The following LUC7L variants were observed in gnomAD, a reference collection of about 807,000 sequenced individuals.
The protein encoded by LUC7L is LUC7 like.
Under a neutral mutation model 51.1 loss-of-function variants are expected in LUC7L, and 29 were observed. The ratio of observed to expected loss-of-function variants is 0.57; its 90% CI spans 0.42 to 0.77. The LOEUF is 0.77. LUC7L is among the 30% of genes least tolerant of loss of function. The probability of loss-of-function intolerance (pLI) is 0.00; values close to 1 mark genes in which losing one functional copy is unlikely to be tolerated. For synonymous variants in LUC7L, 181 were observed against 180.7 expected (o/e 1.00, Z -0.01); for missense variants, 403 against 511.9 (o/e 0.79, Z 2.05).
chr16:227,099 C>T (rs555801707), intron 2 of LUC7L, 143 bp downstream of exon 2: 23 of 642,904 alleles, frequency 3.6e-5, no homozygotes, highest in East Asian at 3.0e-4. Context: ...AACATACATA[C>T]GAGTGGAGGA....
chr16:192,502 CTTTT>C (rs398058029), intron 7 of LUC7L, among the ~76,000 whole-genome samples: 6 of 125,610 alleles, frequency 4.8e-5, no homozygotes, highest in South Asian at 2.5e-4. Context: ...ATGCTGTTTA[CTTTT>C]TTTTTTTTTT....
chr16:193,969 A>G (rs974083208), intron 6 of LUC7L, among the ~76,000 whole-genome samples: 9 of 149,260 alleles, frequency 6.0e-5, no homozygotes, highest in Admixed American at 1.3e-4. Context: ...GCGCCCGGCT[A>G]ATTTTTTGTA....
intron 6 of LUC7L, 77 bp from the exon 7 acceptor site, chr16:193,092 T>TTA: frequency 9.3e-7 from 1 of 1,077,498 alleles, no homozygotes; most frequent in Non-Finnish European, 1.4e-6. Context: ...CAAATCACCT[T>TTA]TATATGAGCT....
intron 6 of LUC7L, among the ~76,000 whole-genome samples, chr16:194,032 T>C (rs1442764492): frequency 6.6e-6 from 1 of 152,080 alleles, no homozygotes; most frequent in African/African-American, 2.4e-5. Context: ...CTCGATCTCC[T>C]GACCTCACGA....
At chr16:200,197 C>T (rs1485407377) in intron 5 of LUC7L, among the ~76,000 whole-genome samples, 4 of 150,822 alleles carry the variant, frequency 2.7e-5, no homozygotes, top group African/African-American at 9.7e-5. Flanking sequence ...CTGAGGCAGG[C>T]GAATCATGGG....
Position 229,264 on chromosome 16 carries a change from G to A in LUC7L, c.61+15C>T. The A allele has an allele frequency of 6.5e-7, 1 of 1,533,150 alleles. No individual in the cohort carries two copies. Among genetic ancestry groups the A allele is most frequent in the African/African-American group, 1.4e-5 (1 of 71,496 alleles). 95.0% of individuals were successfully genotyped at this position (1,533,150 alleles called of 1,614,324 possible). A position where few individuals can be genotyped will look rare whatever the true frequency, so the allele number is the denominator to read the frequency against. On this transcript the variant is annotated intron_variant, in intron 1 of 9. Coordinates refer to ENST00000293872, the MANE Select transcript of LUC7L (RefSeq NM_201412.3). Reference sequence around the variant, plus strand: ...CCCACCCCAGACCCTCGCCTGGTTGGCCGCTCTGACTCACCGTCCCGAGCC... The same window carrying A: ...CCCACCCCAGACCCTCGCCTGGTTGACCGCTCTGACTCACCGTCCCGAGCC...
At chr16:226,629 C>G (rs1421479143) in intron 2 of LUC7L, among the ~76,000 whole-genome samples, 1 of 152,118 alleles carries the variant, frequency 6.6e-6, no homozygotes, top group Non-Finnish European at 1.5e-5. Context: ...AGAAAATGTA[C>G]CTTGCTAGAT....
chr16:221,034 C>T (rs998360616), intron 2 of LUC7L, among the ~76,000 whole-genome samples: 1 of 151,936 alleles, frequency 6.6e-6, no homozygotes, highest in African/African-American at 2.4e-5. Flanking sequence ...TGGCTTTTGC[C>T]AGTTTTTAAG....
At chr16:198,633 T>C (rs1424309266) in intron 6 of LUC7L, among the ~76,000 whole-genome samples, 5 of 152,184 alleles carry the variant, frequency 3.3e-5, no homozygotes, top group South Asian at 2.1e-4. Context: ...ATCCAAGTGA[T>C]GAAATCTGCG....
At chr16:213,608 T>C (rs1181896791) in intron 3 of LUC7L, among the ~76,000 whole-genome samples, 1 of 152,130 alleles carries the variant, frequency 6.6e-6, no homozygotes, top group Non-Finnish European at 1.5e-5. Flanking sequence ...TATCACCATG[T>C]TGGTCAGACT....
intron 5 of LUC7L, among the ~76,000 whole-genome samples, chr16:199,963 C>A (rs2049275292): frequency 6.7e-6 from 1 of 150,168 alleles, no homozygotes. Context: ...GCATTCCAGC[C>A]TGGCAACAGA....
Position 220,701 on chromosome 16 carries a change from C to T in LUC7L, c.203G>A (p.Arg68Gln), listed in dbSNP as rs773462228. 3.1e-6 allele frequency: 5 copies of T among 1,613,972 alleles called. No individual in the cohort carries two copies. The highest frequency in any genetic ancestry group is 3.3e-5 in the Admixed American group (2 of 59,980). The change falls in exon 3 of 10, where the codon CGA (arginine) becomes CAA (glutamine). Residue 68 changes from arginine to glutamine, a missense_variant. Coordinates refer to ENST00000293872, the MANE Select transcript of LUC7L (RefSeq NM_201412.3). ...TTTACTTGCAATCTCATAATCTGCTCGGAGGGCCAAGTCGTGGATTTTGGT... is the reference window on the plus strand; with the variant it reads ...TTTACTTGCAATCTCATAATCTGCTTGGAGGGCCAAGTCGTGGATTTTGGT... ...ECTKIHDLALRADYEIASKER... is the reference protein window; with the variant it reads ...ECTKIHDLALQADYEIASKER...
chr16:198,693 TG>T (rs2049232274), intron 6 of LUC7L, among the ~76,000 whole-genome samples: 1 of 152,102 alleles, frequency 6.6e-6, no homozygotes, highest in African/African-American at 2.4e-5. Flanking sequence ...TAATGTTTTT[TG>T]TTTTTTTTTT....
At chr16:197,885 C>T (rs1486428404) in intron 6 of LUC7L, among the ~76,000 whole-genome samples, 3 of 152,084 alleles carry the variant, frequency 2.0e-5, no homozygotes, top group Non-Finnish European at 4.4e-5. Flanking sequence ...TCCTAGTATG[C>T]GGTAAGGGGG....
intron 5 of LUC7L, 148 bp downstream of exon 5, chr16:205,856 T>G: frequency 3.4e-6 from 3 of 882,742 alleles, no homozygotes; most frequent in Non-Finnish European, 5.2e-6. Flanking sequence ...TCCAAAGTGC[T>G]GGGATGACAG....
Position 189,174 on chromosome 16 carries a change from A to AT in LUC7L, c.*23dup. 6.2e-7 allele frequency: 1 copy of AT among 1,603,626 alleles called. No individual in the cohort carries two copies. The highest frequency in any genetic ancestry group is 1.3e-5 in the African/African-American group (1 of 74,774). On this transcript the variant is annotated 3_prime_UTR_variant, in exon 10 of 10. Coordinates refer to ENST00000293872, the MANE Select transcript of LUC7L (RefSeq NM_201412.3). The stretch of plus-strand genomic sequence containing the variant: ...AGACTGTGTGAACGTTTATCAGACT[A>AT]TTTACAGCACCCGGGAGACGGGTTC...
chr16:229,092 C>A lies in LUC7L; in HGVS notation c.61+187G>T, dbSNP rs1000616026. ...TCCGAGAGAGGAGCCCGACCTGGAC[C>A]CACGGCCGCCTCAGAGACGCACCGG... On this transcript the variant is annotated intron_variant, in intron 1 of 9. Transcript: ENST00000293872. 6 of 1,410,636 alleles carry A rather than the reference C, an allele frequency of 4.3e-6. No individual in the cohort carries two copies. The African/African-American group carries it at 6.0e-5, about 14-fold the overall frequency. 87.4% of individuals were successfully genotyped at this position (1,410,636 alleles called of 1,614,324 possible). A position where few individuals can be genotyped will look rare whatever the true frequency, so the allele number is the denominator to read the frequency against.
chr16:210,231 G>C (rs1239962215), intron 3 of LUC7L, among the ~76,000 whole-genome samples: 1 of 152,164 alleles, frequency 6.6e-6, no homozygotes, highest in Non-Finnish European at 1.5e-5. Context: ...AGGTTGCAGT[G>C]AACTGAGATC....
intron 7 of LUC7L, among the ~76,000 whole-genome samples, chr16:191,478 A>T (rs539160032): frequency 3.3e-5 from 5 of 152,296 alleles, no homozygotes; most frequent in African/African-American, 1.2e-4. Flanking sequence ...CCATGCAAAA[A>T]ATGGATTGTG....
Sources: gnomAD v4.1 joint callset for allele counts (sites outside exome capture counted in the v4.1 genomes callset) on GRCh38, gnomAD v4.1.1 for gene constraint, MANE v1.5 for transcripts, NCBI Gene and HGNC (gene_info 2026-07-23, HGNC 2026-07-21) for gene names.